The following KCNQ5 variants were observed in gnomAD, a reference collection of about 807,000 sequenced individuals.
KCNQ5 encodes potassium voltage-gated channel subfamily KQT member 5.
A neutral mutation model predicts 98.2 loss-of-function variants in KCNQ5; 30 were observed. The observed-to-expected ratio is 0.31, with a 90% CI of 0.23 to 0.41. KCNQ5 has a LOEUF of 0.41. Among genes scored for constraint, KCNQ5 ranks in the 10% least tolerant of loss-of-function variants. The pLI is 1.00. For missense variants in KCNQ5, 835 were observed against 1,182.5 expected (o/e 0.71, Z 4.31); for synonymous variants, 458 against 449.4 (o/e 1.02, Z -0.24).
intron 1 of KCNQ5, among the ~76,000 whole-genome samples, chr6:72,897,648 C>T (rs1364233930): frequency 3.3e-5 from 5 of 151,858 alleles, no homozygotes; most frequent in South Asian, 2.1e-4. Flanking sequence ...AACAAACAAA[C>T]GAACAAACAA....
intron 6 of KCNQ5, among the ~76,000 whole-genome samples, chr6:73,110,335 A>C (rs1410936713): frequency 6.6e-6 from 1 of 152,254 alleles, no homozygotes; most frequent in African/African-American, 2.4e-5. Flanking sequence ...GACTGAATTT[A>C]GCAAGCTCCA....
In KCNQ5 at chr6:72,837,460, C is replaced by CT. The variant is rs763645682; in HGVS notation, c.399-166447dup. On this transcript the variant is annotated intron_variant, in intron 1 of 13. Coordinates refer to ENST00000370398, the MANE Select transcript of KCNQ5 (RefSeq NM_019842.4). ...AGTACCTTGCCTTTGTATGTAACACCTGTACTAGGTGTTACGTGGAATGTC... is the reference window on the plus strand; with the variant it reads ...AGTACCTTGCCTTTGTATGTAACACCTTGTACTAGGTGTTACGTGGAATGTC... Among the ~76,000 whole-genome samples, 3 of 152,228 alleles carry CT rather than the reference C, an allele frequency of 2.0e-5. No individual in the cohort carries two copies. The East Asian group carries it at 5.8e-4, about 29-fold the overall frequency.
At chr6:72,690,894 AAAT>A (rs1406633585) in intron 1 of KCNQ5, among the ~76,000 whole-genome samples, 16 of 152,050 alleles carry the variant, frequency 1.1e-4, no homozygotes, top group Admixed American at 2.6e-4. Context: ...AGAATTATAA[AAAT>A]AATGAAAATT....
At chr6:72,699,473 C>G (rs901124236) in intron 1 of KCNQ5, among the ~76,000 whole-genome samples, 2 of 152,110 alleles carry the variant, frequency 1.3e-5, no homozygotes, top group African/African-American at 4.8e-5. Flanking sequence ...CTCTCTTGAC[C>G]TCCAGAATGA....
At chr6:72,663,259 C>T (rs1565066118) in intron 1 of KCNQ5, among the ~76,000 whole-genome samples, 2 of 152,088 alleles carry the variant, frequency 1.3e-5, no homozygotes, top group Non-Finnish European at 2.9e-5. Context: ...GCACATGTAT[C>T]CCAGAACTTA....
chr6:73,083,241 T>C (rs1773852597), intron 5 of KCNQ5, among the ~76,000 whole-genome samples: 1 of 152,222 alleles, frequency 6.6e-6, no homozygotes, highest in Non-Finnish European at 1.5e-5. Flanking sequence ...TATAATGGCA[T>C]GGTTTAATTT....
chr6:72,931,454 C>T (rs1765690470), intron 1 of KCNQ5, among the ~76,000 whole-genome samples: 1 of 152,076 alleles, frequency 6.6e-6, no homozygotes, highest in South Asian at 2.1e-4. Flanking sequence ...TCTGAAACCA[C>T]ATCAAAATGA....
intron 7 of KCNQ5, among the ~76,000 whole-genome samples, chr6:73,119,893 T>C (rs1440726944): frequency 6.6e-6 from 1 of 152,140 alleles, no homozygotes; most frequent in Non-Finnish European, 1.5e-5. Flanking sequence ...AATTCAAAAA[T>C]TACATTATAT....
At chr6:73,174,529 A>G (rs1433455360) in intron 11 of KCNQ5, among the ~76,000 whole-genome samples, 1 of 152,198 alleles carries the variant, frequency 6.6e-6, no homozygotes, top group Non-Finnish European at 1.5e-5. Context: ...AGCCTTTTAG[A>G]GAATCAAATG....
intron 1 of KCNQ5, among the ~76,000 whole-genome samples, chr6:72,651,644 T>G (rs1765881358): frequency 6.6e-6 from 1 of 152,100 alleles, no homozygotes; most frequent in Non-Finnish European, 1.5e-5. Flanking sequence ...ATGAAAACAC[T>G]CTAATTTTGC....
intron 1 of KCNQ5, among the ~76,000 whole-genome samples, chr6:72,934,493 G>A (rs1244688037): frequency 3.3e-5 from 5 of 152,038 alleles, no homozygotes; most frequent in South Asian, 4.2e-4. Context: ...AAATGCCCAC[G>A]GTCACACAAT....
At chr6:72,623,249 C>G (rs1399748252) in intron 1 of KCNQ5, among the ~76,000 whole-genome samples, 1 of 152,154 alleles carries the variant, frequency 6.6e-6, no homozygotes, top group Admixed American at 6.5e-5. Flanking sequence ...GCAACGCTCC[C>G]GCGCTGCAGG....
At chr6:73,137,430 G>A (rs2150463366) in intron 10 of KCNQ5, among the ~76,000 whole-genome samples, 1 of 152,204 alleles carries the variant, frequency 6.6e-6, no homozygotes, top group African/African-American at 2.4e-5. Context: ...TATTTTGACT[G>A]CTATGATATG....
intron 1 of KCNQ5, among the ~76,000 whole-genome samples, chr6:72,879,625 T>C (rs1273499077): frequency 1.3e-5 from 2 of 152,198 alleles, no homozygotes; most frequent in Non-Finnish European, 2.9e-5. Context: ...TTTAATCGTC[T>C]TGTGTTTTGT....
intron 1 of KCNQ5, among the ~76,000 whole-genome samples, chr6:72,725,931 G>A (rs555456785): frequency 6.6e-6 from 1 of 152,154 alleles, no homozygotes; most frequent in Non-Finnish European, 1.5e-5. Context: ...TACAAAATCA[G>A]TTATGCATTT....
At position 72,886,842 on chromosome 6, in the gene KCNQ5, T is replaced by A. The variant is rs141708304; in HGVS notation, c.399-117066T>A. On this transcript the variant is annotated intron_variant, in intron 1 of 13. Coordinates refer to ENST00000370398, the MANE Select transcript of KCNQ5 (RefSeq NM_019842.4). The stretch of plus-strand genomic sequence containing the variant: ...AAAAGCAAAACAACTTTGTTTTTGG[T>A]CATTCCAAAAAATAAATATTAAAAA... Among the ~76,000 whole-genome samples the A allele has an allele frequency of 2.1e-3, 324 of 152,296 alleles. 1 individual carries two copies. Among genetic ancestry groups the A allele is most frequent in the Middle Eastern group, 0.014 (4 of 294 alleles).
chr6:72,762,542 A>C (rs902552739), intron 1 of KCNQ5, among the ~76,000 whole-genome samples: 4 of 152,108 alleles, frequency 2.6e-5, no homozygotes, highest in African/African-American at 9.7e-5. Flanking sequence ...ACAATGGTTA[A>C]ACAATGCTTG....
chr6:72,856,471 T>TACACACAC (rs3035183), intron 1 of KCNQ5, among the ~76,000 whole-genome samples: 159 of 149,020 alleles, frequency 1.1e-3, no homozygotes, highest in African/African-American at 3.1e-3. Flanking sequence ...CACACATATA[T>TACACACAC]ACACACACAC....
chr6:72,831,350 C>T (rs1458202561), intron 1 of KCNQ5, among the ~76,000 whole-genome samples: 1 of 152,094 alleles, frequency 6.6e-6, no homozygotes, highest in African/African-American at 2.4e-5. Context: ...CAATGATAGA[C>T]TGGATTAAGA....
Sources: allele counts gnomAD v4.1 joint callset (sites outside exome capture counted in the v4.1 genomes callset), GRCh38; gene constraint gnomAD v4.1.1; transcripts MANE v1.5; gene names NCBI Gene and HGNC (gene_info 2026-07-23, HGNC 2026-07-21).